The following NCBP3 variants were observed in gnomAD, a reference collection of about 807,000 sequenced individuals.
The protein encoded by NCBP3 is nuclear cap-binding protein subunit 3.
Under a neutral mutation model 75.7 loss-of-function variants are expected in NCBP3, and 20 were observed. The ratio of observed to expected loss-of-function variants is 0.26; its 90% confidence interval spans 0.19 to 0.38. The LOEUF (loss-of-function observed/expected upper bound fraction) is 0.38, where lower values mean the gene tolerates loss of function less well. Ranked by LOEUF, NCBP3 falls within the 10% of genes least tolerant of loss-of-function variation. The probability of loss-of-function intolerance (pLI) is 1.00; values close to 1 mark genes in which losing one functional copy is unlikely to be tolerated. For synonymous variants in NCBP3, 293 were observed against 290.5 expected (o/e 1.01, Z -0.09); for missense variants, 678 against 796.9 (o/e 0.85, Z 1.80).
intron 7 of NCBP3, chr17:3,824,201 T>C (rs1179001977): frequency 6.6e-6 from 1 of 152,138 alleles, no homozygotes; most frequent in African/African-American, 2.4e-5. Context: ...TTGATTTTGT[T>C]AAGTGTGCTA....
intron 9 of NCBP3, among the ~76,000 whole-genome samples, chr17:3,819,878 T>C (rs2053629585): frequency 6.6e-6 from 1 of 152,212 alleles, no homozygotes; most frequent in African/African-American, 2.4e-5. Flanking sequence ...AATATGGATA[T>C]AAAAAGTATA....
intron 3 of NCBP3, among the ~76,000 whole-genome samples, chr17:3,829,919 T>C (rs1359369492): frequency 1.3e-5 from 2 of 152,154 alleles, no homozygotes; most frequent in Admixed American, 6.5e-5. Flanking sequence ...CCAATAAATA[T>C]ATGAGGAGAT....
chr17:3,843,028 A>G, intron 2 of NCBP3, 58 bp downstream of exon 2: 2 of 1,297,588 alleles, frequency 1.5e-6, no homozygotes, highest in South Asian at 2.5e-5. Context: ...CCTAGGGATC[A>G]AATTCATTAA....
At chr17:3,824,355 T>TAC (rs141212964) in intron 7 of NCBP3, 8,747 of 149,694 alleles carry the variant, frequency 0.058, 577 homozygotes, top group African/African-American at 0.17. Flanking sequence ...CACACACACA[T>TAC]ACACACACAC....
At chr17:3,819,932 T>C (rs2053630887) in intron 9 of NCBP3, among the ~76,000 whole-genome samples, 1 of 152,166 alleles carries the variant, frequency 6.6e-6, no homozygotes, top group African/African-American at 2.4e-5. Flanking sequence ...AAAGTGTAAC[T>C]GTGTAACAGT....
rs189325610 is a variant in NCBP3 at position 3,805,740 on chromosome 17, C to T, written c.*7304G>A. On this transcript the variant is annotated 3_prime_UTR_variant, in exon 13 of 13. Coordinates refer to ENST00000389005, the MANE Select transcript of NCBP3 (RefSeq NM_001114118.3). ...CTTCTTTCCTGCTATCTAGCCCACA[C>T]CCCTGATGCTCCCCGGAAAGGAGAG... 1 of 152,304 alleles carries T rather than the reference C, an allele frequency of 6.6e-6. No individual in the cohort carries two copies. Among genetic ancestry groups the T allele is most frequent in the Non-Finnish European group, 1.5e-5 (1 of 68,106 alleles). The allele number at this position is 152,304 out of a possible 1,614,324, so 9.4% of individuals were successfully genotyped here.
intron 3 of NCBP3, among the ~76,000 whole-genome samples, chr17:3,831,314 CT>C (rs1307040439): frequency 1.3e-5 from 2 of 151,864 alleles, no homozygotes; most frequent in East Asian, 3.9e-4. Context: ...TCGCTCAAGC[CT>C]GTAATCCCAG....
chr17:3,842,153 G>A (rs1425368524), intron 2 of NCBP3, among the ~76,000 whole-genome samples: 1 of 152,094 alleles, frequency 6.6e-6, no homozygotes, highest in African/African-American at 2.4e-5. Flanking sequence ...ATGCCGACAC[G>A]GTGGCTTACA....
intron 1 of NCBP3, among the ~76,000 whole-genome samples, chr17:3,843,428 C>T (rs1476076939): frequency 6.6e-6 from 1 of 151,964 alleles, no homozygotes; most frequent in Non-Finnish European, 1.5e-5. Context: ...GAGACAGGGT[C>T]TCCCTATGTT....
At position 3,813,196 on chromosome 17, in the gene NCBP3, C is replaced by T; in HGVS notation, c.1711G>A (p.Glu571Lys). 7 of 1,614,264 alleles carry T rather than the reference C, an allele frequency of 4.3e-6. No homozygotes were observed. Among genetic ancestry groups the T allele is most frequent in the Non-Finnish European group, 5.9e-6 (7 of 1,180,044 alleles). ...CTTTGCAGCTCAGAGTCGTCTTCCT[C>T]AGCGCCAGGCGCCCTGTGATCCACT... Reference protein sequence around the residue: ...KKVDHRAPGAEEDDSELQRAW... With the variant: ...KKVDHRAPGAKEDDSELQRAW... Residue 571 changes from glutamate to lysine, a missense_variant, in exon 13 of 13, where the codon GAG becomes AAG. Glu to Lys is a moderately conservative substitution (Grantham distance 56). This residue lies in a region of NCBP3 where 365 missense variants were observed against 392.7 expected (regional missense o/e 0.93). Coordinates refer to ENST00000389005, the MANE Select transcript of NCBP3 (RefSeq NM_001114118.3).
chr17:3,836,922 G>A (rs138162993), intron 3 of NCBP3, among the ~76,000 whole-genome samples: 7,679 of 151,996 alleles, frequency 0.051, 298 homozygotes, highest in Middle Eastern at 0.09. Context: ...AGGCCGAGGC[G>A]GGTGGATCAC....
intron 3 of NCBP3, among the ~76,000 whole-genome samples, chr17:3,831,474 G>C (rs542925562): frequency 6.7e-6 from 1 of 148,738 alleles, no homozygotes; most frequent in African/African-American, 2.4e-5. Context: ...TTGGGAGGCC[G>C]AGGCAGGAGA....
At chr17:3,822,074 TACC>T (rs753605495) in intron 7 of NCBP3, 22 bp from the exon 8 acceptor site, 16 of 1,462,938 alleles carry the variant, frequency 1.1e-5, no homozygotes, top group Admixed American at 7.0e-5. Context: ...TGACAATAGT[TACC>T]TAGGATTTCC....
chr17:3,820,273 T>A (rs1016948987), intron 9 of NCBP3, among the ~76,000 whole-genome samples: 3 of 152,158 alleles, frequency 2.0e-5, no homozygotes, highest in African/African-American at 7.2e-5. Flanking sequence ...AACATGTAGA[T>A]CTCAAATATA....
At chr17:3,834,800 A>G (rs1449202794) in intron 3 of NCBP3, among the ~76,000 whole-genome samples, 4 of 151,494 alleles carry the variant, frequency 2.6e-5, no homozygotes, top group African/African-American at 7.3e-5. Flanking sequence ...CAACAGTTCC[A>G]TAAGAAGCAA....
intron 4 of NCBP3, among the ~76,000 whole-genome samples, chr17:3,827,520 T>A (rs1331835715): frequency 6.6e-5 from 10 of 152,218 alleles, no homozygotes; most frequent in Non-Finnish European, 1.0e-4. Context: ...AGGAAGATAA[T>A]TTAGCAAGAA....
intron 3 of NCBP3, among the ~76,000 whole-genome samples, chr17:3,837,937 T>C (rs1369099162): frequency 6.6e-6 from 1 of 152,008 alleles, no homozygotes; most frequent in Non-Finnish European, 1.5e-5. Flanking sequence ...CCTTACTGCC[T>C]TTTTTAGGAA....
chr17:3,823,515 T>C (rs986392314), intron 7 of NCBP3, among the ~76,000 whole-genome samples: 5 of 152,308 alleles, frequency 3.3e-5, no homozygotes, highest in African/African-American at 7.2e-5. Flanking sequence ...CAGAAAGGCA[T>C]GAAGCTCTGA....
chr17:3,843,958 A>G (rs1435788653), intron 1 of NCBP3, among the ~76,000 whole-genome samples: 1 of 152,188 alleles, frequency 6.6e-6, no homozygotes, highest in Middle Eastern at 3.2e-3. Flanking sequence ...CACTCCAATA[A>G]GAAGATCAGA....
Sources: allele counts gnomAD v4.1 joint callset (sites outside exome capture counted in the v4.1 genomes callset), GRCh38; gene constraint gnomAD v4.1.1; regional missense constraint gnomAD v4.1.1; transcripts MANE v1.5; gene names NCBI Gene and HGNC (gene_info 2026-07-23, HGNC 2026-07-21).